The following RAD23B variants were observed in gnomAD, a reference collection of about 807,000 sequenced individuals.
The protein encoded by RAD23B is lysine-specific demethylase RAD23B.
RAD23B carries 5 observed loss-of-function variants against 49.1 expected under a neutral mutation model. The observed-to-expected ratio is 0.10, with a 90% confidence interval of 0.05 to 0.21. The LOEUF (loss-of-function observed/expected upper bound fraction) is 0.21. Ranked by LOEUF, RAD23B falls within the 10% of genes least tolerant of loss-of-function variation. The pLI is 1.00. For missense variants in RAD23B, 356 were observed against 486.7 expected, an observed-to-expected ratio of 0.73 and a Z score of 2.53; for synonymous variants, 184 against 165.4, an observed-to-expected ratio of 1.11 and a Z score of -0.86.
intron 1 of RAD23B, among the ~76,000 whole-genome samples, chr9:107,294,552 C>T (rs915213262): frequency 1.1e-4 from 16 of 152,182 alleles, no homozygotes; most frequent in Admixed American, 9.8e-4. Flanking sequence ...GAGTTCATAC[C>T]TCTTCCTTTG....
At chr9:107,317,247 G>GAGAT (rs1351368374) in intron 5 of RAD23B, among the ~76,000 whole-genome samples, 1 of 152,168 alleles carries the variant, frequency 6.6e-6, no homozygotes, top group Non-Finnish European at 1.5e-5. Context: ...AGAGAATGAA[G>GAGAT]AGATGGGTTT....
chr9:107,329,145 T>C (rs1322373822), intron 9 of RAD23B, among the ~76,000 whole-genome samples: 1 of 152,210 alleles, frequency 6.6e-6, no homozygotes. Context: ...CTGCAGGTAC[T>C]CTCATCCTTA....
intron 3 of RAD23B, 57 bp from the exon 4 acceptor site, chr9:107,306,322 G>A: frequency 6.6e-7 from 1 of 1,517,402 alleles, no homozygotes; most frequent in South Asian, 1.2e-5. Context: ...AGTCTAATTA[G>A]AGATCAGGCA....
chr9:107,286,895 AC>A (rs1219380920), intron 1 of RAD23B, among the ~76,000 whole-genome samples: 3 of 151,902 alleles, frequency 2.0e-5, no homozygotes, highest in African/African-American at 7.3e-5. Context: ...ACACGGTGAA[AC>A]CCCGTCTCTA....
Position 107,318,677 on chromosome 9 carries a change from C to A in RAD23B, c.554-75C>A. The A allele has an allele frequency of 6.9e-7, 1 of 1,450,060 alleles. No homozygotes were observed. The highest frequency in any genetic ancestry group is 1.2e-5 in the South Asian group (1 of 80,982). The allele number at this position is 1,450,060 out of a possible 1,614,324, so 89.8% of individuals were successfully genotyped here. A position where few individuals can be genotyped will look rare whatever the true frequency, so the allele number is the denominator to read the frequency against. On this transcript the variant is annotated intron_variant, in intron 5 of 9. Coordinates refer to ENST00000358015, the MANE Select transcript of RAD23B (RefSeq NM_002874.5). The surrounding 1 kb of genome is among the most constrained non-coding windows in gnomAD (Gnocchi z 4.3). ...ATAGTAGTTCCTGAAATGTTGTATA[C>A]ATGAATCAATAAATGTATAGAGAAT... is the stretch of plus-strand genomic sequence containing the variant.
At position 107,284,825 on chromosome 9, in the gene RAD23B, T is replaced by C. The variant is rs1474410821; in HGVS notation, c.66+1130T>C. On this transcript the variant is annotated intron_variant, in intron 1 of 9. Coordinates refer to ENST00000358015, the MANE Select transcript of RAD23B (RefSeq NM_002874.5). ...GTTCCATTTGTGGTTTTGTAACTTA[T>C]TTGCTATGACCTTGGGCAAATTACG... 19 of 1,218,744 alleles carry C rather than the reference T, an allele frequency of 1.6e-5. No individual in the cohort carries two copies. In the East Asian group the frequency reaches 2.3e-4, roughly 15 times the overall value. The allele number at this position is 1,218,744 out of a possible 1,614,324, so 75.5% of individuals were successfully genotyped here.
chr9:107,303,097 A>G (rs866484040), intron 3 of RAD23B, among the ~76,000 whole-genome samples: 5 of 152,308 alleles, frequency 3.3e-5, no homozygotes, highest in Middle Eastern at 6.8e-3. Flanking sequence ...TTATTTAAAG[A>G]TATATAATGC....
intron 1 of RAD23B, among the ~76,000 whole-genome samples, chr9:107,298,623 G>C (rs1396710703): frequency 6.6e-6 from 1 of 150,904 alleles, no homozygotes; most frequent in African/African-American, 2.4e-5. Context: ...CAGCCACTGC[G>C]CCTGACCCAA....
intron 3 of RAD23B, among the ~76,000 whole-genome samples, chr9:107,305,897 G>A (rs903321732): frequency 6.6e-6 from 1 of 151,632 alleles, no homozygotes; most frequent in Non-Finnish European, 1.5e-5. Context: ...ATTGCTTCAG[G>A]CCCGGAGTTC....
At chr9:107,321,903 AT>A in intron 6 of RAD23B, 79 bp from the exon 7 acceptor site, 1 of 1,323,628 alleles carries the variant, frequency 7.6e-7, no homozygotes, top group Non-Finnish European at 9.9e-7. Flanking sequence ...AAGATGTTAA[AT>A]AGACTATAAA....
At position 107,306,597 on chromosome 9, in the gene RAD23B, A is replaced by G; in HGVS notation, c.447A>G (p.Ala149=). The G allele has an allele frequency of 1.2e-6, 2 of 1,614,234 alleles. No homozygotes were observed. Among genetic ancestry groups the G allele is most frequent in the Non-Finnish European group, 1.7e-6 (2 of 1,180,040 alleles). ...PASAAKQEKP[A]EKPAETPVAT... is the part of the protein sequence containing the mutation. ...GTGCAGCTAAACAAGAGAAGCCTGCAGAAAAGCCAGCAGAGACACCAGTGG... is the reference window on the plus strand; with the variant it reads ...GTGCAGCTAAACAAGAGAAGCCTGCGGAAAAGCCAGCAGAGACACCAGTGG... Residue 149 remains alanine, a synonymous_variant, in exon 4 of 10, where the codon GCA becomes GCG. Transcript: ENST00000358015.
intron 1 of RAD23B, among the ~76,000 whole-genome samples, chr9:107,293,314 C>T (rs935334595): frequency 6.6e-6 from 1 of 152,138 alleles, no homozygotes; most frequent in Non-Finnish European, 1.5e-5. Flanking sequence ...AGGGTATGTA[C>T]CAAAGGCTTG....
intron 1 of RAD23B, 115 bp downstream of exon 1, chr9:107,283,810 G>A (rs369783703): frequency 6.2e-5 from 64 of 1,029,056 alleles, no homozygotes; most frequent in Non-Finnish European, 7.2e-5. Context: ...GCGCGATGAG[G>A]GCCCTGGGTC....
At chr9:107,298,638 C>CT (rs2133072046) in intron 1 of RAD23B, among the ~76,000 whole-genome samples, 1 of 151,316 alleles carries the variant, frequency 6.6e-6, no homozygotes, top group Non-Finnish European at 1.5e-5. Flanking sequence ...ACCCAATGTA[C>CT]TTACATTTAT....
At chr9:107,326,959 A>T (rs1827218158) in intron 9 of RAD23B, among the ~76,000 whole-genome samples, 1 of 152,010 alleles carries the variant, frequency 6.6e-6, no homozygotes, top group Admixed American at 6.6e-5. Flanking sequence ...TTTCTTTTAG[A>T]GTCAGTTTTG....
chr9:107,330,398 C>T lies in RAD23B; in HGVS notation c.*742C>T, dbSNP rs927798622. 1.3e-5 allele frequency: 2 copies of T among 152,114 alleles called. No individual in the cohort carries two copies. The highest frequency in any genetic ancestry group is 2.4e-5 in the African/African-American group (1 of 41,218). 9.4% of individuals were successfully genotyped at this position (152,114 alleles called of 1,614,324 possible). A position where few individuals can be genotyped will look rare whatever the true frequency, so the allele number is the denominator to read the frequency against. ...TTTTGGGGAAAAAATTGGTAGGTGT[C>T]TAATTACTGTTTACTTCATTGTTAT... On this transcript the variant is annotated 3_prime_UTR_variant, in exon 10 of 10. Transcript: ENST00000358015. The surrounding 1 kb of genome is among the most constrained non-coding windows in gnomAD (Gnocchi z 4.4).
At chr9:107,287,074 C>CG (rs1232927240) in intron 1 of RAD23B, among the ~76,000 whole-genome samples, 15 of 94,278 alleles carry the variant, frequency 1.6e-4, no homozygotes, top group East Asian at 4.1e-4. Flanking sequence ...GACTCCGTCT[C>CG]AAAAAAAAAA....
Position 107,283,588 on chromosome 9 carries a change from G to A in RAD23B, c.-42G>A, listed in dbSNP as rs774418198. On this transcript the variant is annotated 5_prime_UTR_variant, in exon 1 of 10. Transcript: ENST00000358015. ...GGCCACAGACCCCGCCCAGCGGCCA[G>A]CACCCGGCGCAGGCCCGGCAGCCGA... 2 of 1,456,494 alleles carry A rather than the reference G, an allele frequency of 1.4e-6. No homozygotes were observed. Among genetic ancestry groups the A allele is most frequent in the Non-Finnish European group, 1.8e-6 (2 of 1,098,116 alleles). 90.2% of individuals were successfully genotyped at this position (1,456,494 alleles called of 1,614,324 possible). A position where few individuals can be genotyped will look rare whatever the true frequency, so the allele number is the denominator to read the frequency against.
chr9:107,284,090 G>A (rs916938823), intron 1 of RAD23B: 1 of 1,005,376 alleles, frequency 9.9e-7, no homozygotes, highest in Admixed American at 6.0e-5. Flanking sequence ...CACTACCCCT[G>A]TGTGGACCTG....
Sources: allele counts gnomAD v4.1 joint callset (sites outside exome capture counted in the v4.1 genomes callset), GRCh38; gene constraint gnomAD v4.1.1; non-coding constraint Gnocchi (gnomAD v3.1); transcripts MANE v1.5; gene names NCBI Gene and HGNC (gene_info 2026-07-23, HGNC 2026-07-21).